The following CENPT variants were observed in gnomAD, a reference collection of about 807,000 sequenced individuals.
CENPT encodes the protein centromere protein T.
A neutral mutation model predicts 59.7 loss-of-function variants in CENPT; 42 were observed. The observed-to-expected ratio is 0.70, with a 90% CI of 0.55 to 0.91. CENPT has a LOEUF of 0.91. Ranked by LOEUF, CENPT falls within the 40% of genes least tolerant of loss-of-function variation. The pLI is 0.00. For missense variants in CENPT, 716 were observed against 713.4 expected, an observed-to-expected ratio of 1.00 and a Z score of -0.04; for synonymous variants, 295 against 289.6, an observed-to-expected ratio of 1.02 and a Z score of -0.19.
chr16:67,831,050 C>T, intron 10 of CENPT, 166 bp downstream of exon 10: 1 of 834,210 alleles, frequency 1.2e-6, no homozygotes, highest in Non-Finnish European at 1.9e-6. Flanking sequence ...AGGAAAGAGG[C>T]CCCCTGTAGA....
At chr16:67,835,799 C>A (rs1237198827) in intron 1 of CENPT, 141 bp from the exon 2 acceptor site, 1 of 152,022 alleles carries the variant, frequency 6.6e-6, no homozygotes, top group Non-Finnish European at 1.5e-5. Context: ...CTTTTGCAGA[C>A]ATATTTCCAT....
chr16:67,830,633 G>T, intron 10 of CENPT, 85 bp from the exon 11 acceptor site: 1 of 1,430,694 alleles, frequency 7.0e-7, no homozygotes, highest in Non-Finnish European at 9.7e-7. Flanking sequence ...AGGCCCACCG[G>T]CTGCTACTCA....
intron 1 of CENPT, among the ~76,000 whole-genome samples, chr16:67,836,160 A>G (rs1236632566): frequency 6.6e-6 from 1 of 150,598 alleles, no homozygotes; most frequent in Non-Finnish European, 1.5e-5. Context: ...CCCGGTTTCA[A>G]GCAATTCTCC....
At chr16:67,838,468 A>C (rs2057744380) in intron 1 of CENPT, among the ~76,000 whole-genome samples, 1 of 151,768 alleles carries the variant, frequency 6.6e-6, no homozygotes, top group South Asian at 2.1e-4. Context: ...CTAAAAACAC[A>C]AAAATTAGCC....
chr16:67,837,481 G>A (rs1288217348), intron 1 of CENPT, among the ~76,000 whole-genome samples: 1 of 151,978 alleles, frequency 6.6e-6, no homozygotes, highest in Non-Finnish European at 1.5e-5. Context: ...GGCCGAGGCA[G>A]GTGGATCACA....
intron 11 of CENPT, 33 bp from the exon 12 acceptor site, chr16:67,830,121 C>T (rs958861599): frequency 1.9e-6 from 3 of 1,598,684 alleles, no homozygotes; most frequent in African/African-American, 2.7e-5. Context: ...AGGCCGGAGA[C>T]GCAGCAGGCC....
chr16:67,841,969 G>A (rs781362786), intron 1 of CENPT: 3 of 152,286 alleles, frequency 2.0e-5, no homozygotes, highest in Admixed American at 6.5e-5. Flanking sequence ...CGGCGCTTCG[G>A]AGGGAAGGCG....
chr16:67,847,304 G>T (rs981730886), intron 1 of CENPT, 97 bp downstream of exon 1: 2 of 152,384 alleles, frequency 1.3e-5, no homozygotes, highest in African/African-American at 4.8e-5. Flanking sequence ...GGGGCCTTAG[G>T]GCCCCGCCCC....
intron 11 of CENPT, 69 bp from the exon 12 acceptor site, chr16:67,830,157 A>G: frequency 6.7e-7 from 1 of 1,485,192 alleles, no homozygotes; most frequent in Non-Finnish European, 9.3e-7. Context: ...AGAGAAGGGT[A>G]AAGATGGACC....
chr16:67,830,003 A>C lies in CENPT; in HGVS notation c.948T>G (p.Gly316=), dbSNP rs1287728706. 4 of 1,614,022 alleles carry C rather than the reference A, an allele frequency of 2.5e-6. No individual in the cohort carries two copies. The highest frequency in any genetic ancestry group is 3.4e-6 in the Non-Finnish European group (4 of 1,180,014). ...FALGFLSTSS[G]VSGEDEVEPL... ...GCTCTACTTCATCTTCTCCAGAGAC[A>C]CCACTGCTGGTGCTCAGGAAGCCCA... Residue 316 remains glycine, a synonymous_variant, in exon 12 of 16, where the codon GGT becomes GGG. Transcript: ENST00000562787.
intron 3 of CENPT, among the ~76,000 whole-genome samples, chr16:67,834,748 C>G (rs551104970): frequency 1.3e-5 from 2 of 152,286 alleles, no homozygotes; most frequent in South Asian, 4.1e-4. Flanking sequence ...ATTATGATCT[C>G]CAAACACGAG....
chr16:67,829,292 C>A, intron 13 of CENPT, 131 bp downstream of exon 13: 1 of 728,204 alleles, frequency 1.4e-6, no homozygotes. Context: ...GAGCTCTCCC[C>A]AGCCCAGCTG....
At chr16:67,847,093 C>G (rs932531084) in intron 1 of CENPT, 1 of 150,320 alleles carries the variant, frequency 6.7e-6, no homozygotes, top group South Asian at 2.1e-4. Flanking sequence ...TCCCCTCCCC[C>G]CCCCCCGGCG....
rs368067198 is a variant in CENPT, at chr16:67,829,581, G to A, written c.1187-65C>T. 126 of 1,458,916 alleles carry A rather than the reference G, an allele frequency of 8.6e-5. 1 individual carries two copies. In the East Asian group the frequency reaches 1.3e-3, roughly 15 times the overall value. The allele number at this position is 1,458,916 out of a possible 1,614,324, so 90.4% of individuals were successfully genotyped here. A position where few individuals can be genotyped will look rare whatever the true frequency, so the allele number is the denominator to read the frequency against. On this transcript the variant is annotated intron_variant, in intron 12 of 15. Transcript: ENST00000562787. ...TGACCATCTCACCCAGGCCAGCACAGCCACAGTATTTCTGTCCTGTTTCTG... is the reference window on the plus strand; with the variant it reads ...TGACCATCTCACCCAGGCCAGCACAACCACAGTATTTCTGTCCTGTTTCTG...
At chr16:67,841,135 C>T (rs2057758589) in intron 1 of CENPT, among the ~76,000 whole-genome samples, 1 of 113,596 alleles carries the variant, frequency 8.8e-6, no homozygotes, top group African/African-American at 3.5e-5. Flanking sequence ...GCGGAGGTTG[C>T]GGTGAGCCGA....
chr16:67,840,132 C>T lies in CENPT; in HGVS notation c.-491-4474G>A, dbSNP rs1020445283. 3.3e-5 allele frequency among the ~76,000 whole-genome samples: 5 copies of T among 151,820 alleles called. No individual in the cohort carries two copies. In the East Asian group the frequency reaches 9.7e-4, roughly 30 times the overall value. ...GAGATCGAGACCATCCTGGCTAACA[C>T]GGTGAAACCCCGTCTTTACTAAAAA... On this transcript the variant is annotated intron_variant, in intron 1 of 15. Coordinates refer to ENST00000562787, the MANE Select transcript of CENPT (RefSeq NM_025082.4).
chr16:67,832,161 A>C, intron 6 of CENPT, 53 bp from the exon 7 acceptor site: 1 of 1,608,844 alleles, frequency 6.2e-7, no homozygotes, highest in Non-Finnish European at 8.5e-7. Context: ...CACCCTGAAT[A>C]AAAGATACCA....
At chr16:67,838,411 C>T (rs922163621) in intron 1 of CENPT, among the ~76,000 whole-genome samples, 2 of 150,858 alleles carry the variant, frequency 1.3e-5, no homozygotes, top group African/African-American at 4.9e-5. Context: ...CACCTGGGGT[C>T]AGGAGTTCGA....
chr16:67,837,264 T>C (rs1686766375), intron 1 of CENPT, among the ~76,000 whole-genome samples: 1 of 151,964 alleles, frequency 6.6e-6, no homozygotes, highest in South Asian at 2.1e-4. Context: ...ATCTCAACCT[T>C]CTGGACTCAA....
Sources: gnomAD v4.1 joint callset for allele counts (sites outside exome capture counted in the v4.1 genomes callset) on GRCh38, gnomAD v4.1.1 for gene constraint, MANE v1.5 for transcripts, NCBI Gene and HGNC (gene_info 2026-07-23, HGNC 2026-07-21) for gene names.